CAMTA1: variants seen among roughly 807,000 people sequenced by gnomAD.
CAMTA1 encodes calmodulin binding transcription activator 1.
CAMTA1 carries 27 observed loss-of-function variants against 170.9 expected under a neutral mutation model. That is an observed-to-expected ratio of 0.16 (90% CI 0.12 to 0.22). The LOEUF is 0.22. Among genes scored for constraint, CAMTA1 ranks in the 10% least tolerant of loss-of-function variants. The pLI is 1.00. For synonymous variants in CAMTA1, 833 were observed against 891.5 expected (o/e 0.93, Z 1.17); for missense variants, 1,619 against 2,217.2 (o/e 0.73, Z 5.42).
Position 7,767,558 on chromosome 1 carries a change from T to A in CAMTA1, c.*1067T>A, listed in dbSNP as rs532984689. On this transcript the variant is annotated 3_prime_UTR_variant, in exon 23 of 23. Transcript: ENST00000303635. ...GAGAAAATATTTGAAAGGGATTATA[T>A]TAATTGCTAAATATTTTATTCACAA... 2.0e-5 allele frequency: 3 copies of A among 152,884 alleles called. No individual in the cohort carries two copies. In the East Asian group the frequency reaches 5.6e-4, roughly 29 times the overall value. The allele number at this position is 152,884 out of a possible 1,614,324, so 9.5% of individuals were successfully genotyped here.
At chr1:7,523,976 G>A (rs1225435124) in intron 6 of CAMTA1, among the ~76,000 whole-genome samples, 1 of 152,176 alleles carries the variant, frequency 6.6e-6, no homozygotes, top group Non-Finnish European at 1.5e-5. Context: ...GCTGAGGCGG[G>A]TGGATCACAA....
chr1:7,151,159 G>A (rs1646549723), intron 4 of CAMTA1, among the ~76,000 whole-genome samples: 1 of 152,222 alleles, frequency 6.6e-6, no homozygotes, highest in Non-Finnish European at 1.5e-5. Context: ...CAAGAAACAT[G>A]GGCCTCCTCT....
chr1:6,824,495 A>C (rs547345767), intron 2 of CAMTA1, among the ~76,000 whole-genome samples: 1 of 152,276 alleles, frequency 6.6e-6, no homozygotes, highest in South Asian at 2.1e-4. Flanking sequence ...TGTATATGTA[A>C]ATCAAGTTAA....
chr1:7,340,002 T>C (rs1376291876), intron 5 of CAMTA1, among the ~76,000 whole-genome samples: 1 of 152,158 alleles, frequency 6.6e-6, no homozygotes, highest in Non-Finnish European at 1.5e-5. Context: ...TAGCCAATGA[T>C]AGGGCCCCAG....
At chr1:7,043,628 C>T (rs918776713) in intron 3 of CAMTA1, among the ~76,000 whole-genome samples, 4 of 152,198 alleles carry the variant, frequency 2.6e-5, no homozygotes, top group African/African-American at 4.8e-5. Flanking sequence ...TTTGGTTGGT[C>T]ATCTTCCTTA....
At chr1:7,323,110 T>C (rs1276673573) in intron 5 of CAMTA1, among the ~76,000 whole-genome samples, 1 of 151,974 alleles carries the variant, frequency 6.6e-6, no homozygotes, top group African/African-American at 2.4e-5. Context: ...GTTATTGTTT[T>C]TTACTCCTTT....
At position 7,113,044 on chromosome 1, in the gene CAMTA1, G is replaced by A. The variant is rs1032715688; in HGVS notation, c.302+21673G>A. On this transcript the variant is annotated intron_variant, in intron 4 of 22. Coordinates refer to ENST00000303635, the MANE Select transcript of CAMTA1 (RefSeq NM_015215.4). The surrounding 1 kb of genome is among the most constrained non-coding windows in gnomAD (Gnocchi z 4.5). ...CAGGTACTCTGGTTCCATCTCTTCC[G>A]GCCTTTGCATGTGGGGCTCTCAGTT... Among the ~76,000 whole-genome samples the A allele has an allele frequency of 3.3e-5, 5 of 152,156 alleles. No homozygotes were observed. The highest frequency in any genetic ancestry group is 1.9e-4 in the East Asian group (1 of 5,202).
Position 7,637,251 on chromosome 1 carries a change from C to T in CAMTA1, c.511-3149C>T, listed in dbSNP as rs748851635. 2.8e-4 allele frequency among the ~76,000 whole-genome samples: 42 copies of T among 152,168 alleles called. 1 individual carries two copies. Among genetic ancestry groups the T allele is most frequent in the African/African-American group, 7.7e-4 (32 of 41,442 alleles). On this transcript the variant is annotated intron_variant, in intron 6 of 22. Transcript: ENST00000303635. ...CCCAGCACGACTGTGGGGCAGGATG[C>T]GGCAGTCCTTTCCTCTCCCAGGCGT... is the stretch of plus-strand genomic sequence containing the variant.
chr1:7,499,661 G>T (rs997862173), intron 6 of CAMTA1, among the ~76,000 whole-genome samples: 1 of 147,906 alleles, frequency 6.8e-6, no homozygotes, highest in Non-Finnish European at 1.5e-5. Flanking sequence ...GTATGTGAGT[G>T]TGTGCATGAG....
rs72638522 is a variant in CAMTA1 at position 6,854,662 on chromosome 1, G to T, written c.234+29452G>T. Among the ~76,000 whole-genome samples, 293 of 152,188 alleles carry T rather than the reference G, an allele frequency of 1.9e-3. 1 individual carries two copies. Among genetic ancestry groups the T allele is most frequent in the Non-Finnish European group, 3.2e-3 (220 of 68,006 alleles). ...TATAGAGTAAATCTCAACAGATTTC[G>T]AAAGACTAAATTCAGAATATCATAC... On this transcript the variant is annotated intron_variant, in intron 3 of 22. Transcript: ENST00000303635.
chr1:7,745,967 T>A lies in CAMTA1; in HGVS notation c.4493T>A (p.Phe1498Tyr), dbSNP rs761878899. Residue 1498 changes from phenylalanine (F) to tyrosine (Y), a missense_variant, in exon 18 of 23, where the codon TTC (phenylalanine) becomes TAC (tyrosine). By Grantham distance (22) the Phe-to-Tyr change is conservative. This residue lies in a region of CAMTA1 where 370 missense variants were observed against 429.4 expected (regional missense o/e 0.86). Transcript: ENST00000303635. ...NLPSAADWSE[F>Y]LSASTSEKVE... ...CCCTCCGCCGCGGATTGGTCAGAAT[T>A]CCTGAGTGCATCTACCAGTGAGAAG... The A allele has an allele frequency of 1.9e-6, 3 of 1,614,230 alleles. No homozygotes were observed. Among genetic ancestry groups the A allele is most frequent in the East Asian group, 4.5e-5 (2 of 44,892 alleles).
At chr1:7,198,268 C>A (rs944692005) in intron 4 of CAMTA1, among the ~76,000 whole-genome samples, 1 of 151,970 alleles carries the variant, frequency 6.6e-6, no homozygotes, top group Non-Finnish European at 1.5e-5. Flanking sequence ...CCCAGCTGAC[C>A]CTGCATTTGG....
At chr1:7,069,551 C>T (rs28580630) in intron 3 of CAMTA1, among the ~76,000 whole-genome samples, 1 of 152,130 alleles carries the variant, frequency 6.6e-6, no homozygotes, top group Non-Finnish European at 1.5e-5. Context: ...CTTTTGTCAG[C>T]GGACCGTTTG....
intron 3 of CAMTA1, among the ~76,000 whole-genome samples, chr1:6,842,484 A>G (rs536007611): frequency 6.6e-6 from 1 of 152,344 alleles, no homozygotes; most frequent in East Asian, 1.9e-4. Flanking sequence ...CTGGAGTCTC[A>G]GGGATAGGGC....
intron 5 of CAMTA1, among the ~76,000 whole-genome samples, chr1:7,458,487 G>A (rs988762352): frequency 6.6e-6 from 1 of 152,188 alleles, no homozygotes; most frequent in African/African-American, 2.4e-5. Flanking sequence ...TGGAAGGACA[G>A]GACCAGCCAG....
chr1:6,993,651 A>C (rs962582990), intron 3 of CAMTA1, among the ~76,000 whole-genome samples: 1 of 145,930 alleles, frequency 6.9e-6, no homozygotes, highest in Non-Finnish European at 1.6e-5. Flanking sequence ...TTTGTCTTGA[A>C]GTCTACGCTA....
At chr1:7,573,370 G>C (rs542501358) in intron 6 of CAMTA1, among the ~76,000 whole-genome samples, 3 of 152,332 alleles carry the variant, frequency 2.0e-5, no homozygotes, top group Admixed American at 2.0e-4. Flanking sequence ...TGGTCAGCCT[G>C]AGGTTTGCCT....
intron 11 of CAMTA1, among the ~76,000 whole-genome samples, chr1:7,699,799 T>C (rs2096418695): frequency 6.6e-6 from 1 of 152,258 alleles, no homozygotes; most frequent in Admixed American, 6.5e-5. Flanking sequence ...TGAGCATTAT[T>C]GATTATTGCC....
At position 6,986,181 on chromosome 1, in the gene CAMTA1, G is replaced by A. The variant is rs146026420; in HGVS notation, c.235-105123G>A. ...GTCAGGCCAGATTTGGGCTCCATCC[G>A]TCTGCTGCCATGTCTCTCACCAGGA... On this transcript the variant is annotated intron_variant, in intron 3 of 22. Transcript: ENST00000303635. Among the ~76,000 whole-genome samples the A allele has an allele frequency of 2.5e-3, 377 of 152,290 alleles. 3 individuals are homozygous for A. The highest frequency in any genetic ancestry group is 0.02 in the Middle Eastern group (6 of 294).
Sources: gnomAD v4.1 joint callset for allele counts (sites outside exome capture counted in the v4.1 genomes callset) on GRCh38, gnomAD v4.1.1 for gene constraint, gnomAD v4.1.1 regional missense constraint, Gnocchi (gnomAD v3.1) non-coding constraint, MANE v1.5 for transcripts, NCBI Gene and HGNC (gene_info 2026-07-23, HGNC 2026-07-21) for gene names.